INPP4B: variants seen among roughly 807,000 people sequenced by gnomAD.
INPP4B encodes the protein inositol polyphosphate 4-phosphatase type II.
Under a neutral mutation model 122.5 loss-of-function variants are expected in INPP4B, and 55 were observed. That is an observed-to-expected ratio of 0.45 (90% CI 0.36 to 0.56). INPP4B has a LOEUF of 0.56. INPP4B is among the 20% of genes least tolerant of loss of function. The pLI is 0.00. For missense variants in INPP4B, 1,000 were observed against 1,097.7 expected (o/e 0.91, Z 1.26); for synonymous variants, 403 against 388.7 (o/e 1.04, Z -0.43).
intron 1 of INPP4B, among the ~76,000 whole-genome samples, chr4:142,813,539 G>A (rs1423886184): frequency 6.6e-6 from 1 of 152,048 alleles, no homozygotes; most frequent in Non-Finnish European, 1.5e-5. Flanking sequence ...AATGATGTTC[G>A]GGGTTATTCA....
chr4:142,715,094 G>A (rs1763595024), intron 2 of INPP4B, among the ~76,000 whole-genome samples: 1 of 152,156 alleles, frequency 6.6e-6, no homozygotes, highest in Non-Finnish European at 1.5e-5. Context: ...CTCTCCCAGA[G>A]CTCAAACCTG....
intron 16 of INPP4B, among the ~76,000 whole-genome samples, chr4:142,171,112 G>A (rs72935286): frequency 1.5e-3 from 222 of 151,734 alleles, no homozygotes; most frequent in African/African-American, 5.1e-3. Context: ...TTGTCTTCAG[G>A]TGCAATGGCT....
At chr4:142,123,439 T>C in intron 19 of INPP4B, 24 bp from the exon 20 acceptor site, 5 of 1,602,892 alleles carry the variant, frequency 3.1e-6, no homozygotes, top group Non-Finnish European at 2.6e-6. Flanking sequence ...ATTGATGAGA[T>C]TTACTGCAGT....
chr4:142,068,784 A>G (rs1334268871), intron 25 of INPP4B, among the ~76,000 whole-genome samples: 2 of 152,222 alleles, frequency 1.3e-5, no homozygotes, highest in Non-Finnish European at 2.9e-5. Context: ...AGAGCTAACT[A>G]TCTTAAATAT....
chr4:142,409,102 G>A (rs1804057296), intron 5 of INPP4B, among the ~76,000 whole-genome samples: 1 of 152,146 alleles, frequency 6.6e-6, no homozygotes, highest in Non-Finnish European at 1.5e-5. Flanking sequence ...AGCTGTGAGT[G>A]AGATGCCTAC....
chr4:142,280,884 A>G (rs1750880914), intron 9 of INPP4B, among the ~76,000 whole-genome samples: 1 of 152,010 alleles, frequency 6.6e-6, no homozygotes, highest in Admixed American at 6.6e-5. Flanking sequence ...CTATAAATTC[A>G]AAATATCTAA....
At chr4:142,670,884 C>G (rs924956473) in intron 2 of INPP4B, among the ~76,000 whole-genome samples, 3 of 152,052 alleles carry the variant, frequency 2.0e-5, no homozygotes, top group Non-Finnish European at 4.4e-5. Context: ...TATGTATATA[C>G]TTCAAAACAT....
At chr4:142,414,261 CTG>C (rs888324727) in intron 5 of INPP4B, among the ~76,000 whole-genome samples, 95 of 151,864 alleles carry the variant, frequency 6.3e-4, no homozygotes, top group African/African-American at 2.2e-3. Flanking sequence ...TTTTATGTGT[CTG>C]TGTGTGTGTT....
At chr4:142,727,980 CTAAGCCTAACAGACAGG>C (rs941539247) in intron 1 of INPP4B, among the ~76,000 whole-genome samples, 7 of 152,266 alleles carry the variant, frequency 4.6e-5, no homozygotes, top group African/African-American at 1.7e-4. Flanking sequence ...CTCTGAAGTA[CTAAGCCTAACAGACAGG>C]TAAGCAGGTA....
intron 2 of INPP4B, among the ~76,000 whole-genome samples, chr4:142,564,473 AAG>A: frequency 7.0e-6 from 1 of 142,216 alleles, no homozygotes; most frequent in Non-Finnish European, 1.5e-5. Context: ...GAAAGAAAGA[AAG>A]AAAAAAAAGA....
At chr4:142,573,159 G>C (rs995108260) in intron 2 of INPP4B, among the ~76,000 whole-genome samples, 4 of 151,866 alleles carry the variant, frequency 2.6e-5, no homozygotes, top group Admixed American at 6.6e-5. Context: ...AGAGCTAAGG[G>C]GGAAAGTGCC....
chr4:142,660,243 A>G (rs1754923404), intron 2 of INPP4B, among the ~76,000 whole-genome samples: 1 of 152,132 alleles, frequency 6.6e-6, no homozygotes. Flanking sequence ...TGCCAAGGTC[A>G]CCAGGACTTG....
At chr4:142,089,340 A>C (rs1289383069) in intron 23 of INPP4B, among the ~76,000 whole-genome samples, 1 of 152,128 alleles carries the variant, frequency 6.6e-6, no homozygotes, top group Non-Finnish European at 1.5e-5. Flanking sequence ...TGAAGACATC[A>C]CATCTGGAGA....
chr4:142,061,150 A>C (rs1760432443), intron 25 of INPP4B, among the ~76,000 whole-genome samples: 1 of 152,230 alleles, frequency 6.6e-6, no homozygotes, highest in African/African-American at 2.4e-5. Context: ...ATGGGTTAAC[A>C]GATTTCAGCT....
chr4:142,668,432 G>A (rs72726499), intron 2 of INPP4B, among the ~76,000 whole-genome samples: 2,786 of 152,212 alleles, frequency 0.018, 43 homozygotes, highest in Non-Finnish European at 0.027. Context: ...TTTTCTTTAA[G>A]ATCCATAACA....
At chr4:142,169,822 T>A (rs1824666256) in intron 16 of INPP4B, among the ~76,000 whole-genome samples, 1 of 151,708 alleles carries the variant, frequency 6.6e-6, no homozygotes, top group East Asian at 1.9e-4. Flanking sequence ...TCATATAGCA[T>A]CAAGTACGAT....
chr4:142,579,733 A>G (rs749708889), intron 2 of INPP4B, among the ~76,000 whole-genome samples: 8 of 151,772 alleles, frequency 5.3e-5, no homozygotes, highest in African/African-American at 1.2e-4. Flanking sequence ...CCTTCAGACT[A>G]GAATTAAACT....
chr4:142,812,145 T>C, intron 1 of INPP4B, among the ~76,000 whole-genome samples: 1 of 152,212 alleles, frequency 6.6e-6, no homozygotes, highest in Admixed American at 6.5e-5. Flanking sequence ...CTTACAGTTA[T>C]TGCATACTTC....
chr4:142,213,817 T>G (rs1322807393), intron 12 of INPP4B, among the ~76,000 whole-genome samples: 1 of 152,152 alleles, frequency 6.6e-6, no homozygotes. Context: ...ATTATTGACC[T>G]TGAAGTCCAC....
Sources: allele counts gnomAD v4.1 joint callset (sites outside exome capture counted in the v4.1 genomes callset), GRCh38; gene constraint gnomAD v4.1.1; transcripts MANE v1.5; gene names NCBI Gene and HGNC (gene_info 2026-07-23, HGNC 2026-07-21).